ERC2: variants seen among roughly 807,000 people sequenced by gnomAD.
ERC2 encodes the protein ELKS/RAB6-interacting/CAST family member 2.
Under a neutral mutation model 114.8 loss-of-function variants are expected in ERC2, and 42 were observed. That is an observed-to-expected ratio of 0.37 (90% CI 0.29 to 0.47). The LOEUF (loss-of-function observed/expected upper bound fraction) is 0.47, where lower values mean the gene tolerates loss of function less well. Ranked by LOEUF, ERC2 falls within the 20% of genes least tolerant of loss-of-function variation. The pLI, the probability that ERC2 is intolerant of heterozygous loss-of-function variation, is 0.99. For missense variants in ERC2, 939 were observed against 1,150.7 expected (o/e 0.82, Z 2.66); for synonymous variants, 454 against 425.5 (o/e 1.07, Z -0.82).
intron 14 of ERC2, among the ~76,000 whole-genome samples, chr3:55,822,902 C>T (rs573889312): frequency 7.8e-4 from 118 of 152,112 alleles, no homozygotes; most frequent in Middle Eastern, 3.2e-3. Flanking sequence ...CGTGAGCCGC[C>T]GCACCGAGCC....
intron 3 of ERC2, among the ~76,000 whole-genome samples, chr3:56,206,633 G>T (rs1190594520): frequency 6.6e-6 from 1 of 152,138 alleles, no homozygotes; most frequent in East Asian, 1.9e-4. Context: ...TATGTGATTT[G>T]CTGAATACAA....
At chr3:55,733,654 A>G (rs1178641741) in intron 15 of ERC2, among the ~76,000 whole-genome samples, 1 of 152,066 alleles carries the variant, frequency 6.6e-6, no homozygotes. Flanking sequence ...TGCAGGGTCA[A>G]TGTATGCCTT....
intron 14 of ERC2, among the ~76,000 whole-genome samples, chr3:55,739,480 T>C (rs2065850343): frequency 6.6e-6 from 1 of 152,232 alleles, no homozygotes; most frequent in Non-Finnish European, 1.5e-5. Context: ...TACGTCATTG[T>C]GGTTTTGATT....
At chr3:55,710,972 G>T in intron 15 of ERC2, among the ~76,000 whole-genome samples, 1 of 152,180 alleles carries the variant, frequency 6.6e-6, no homozygotes, top group East Asian at 1.9e-4. Context: ...ACCTGGCCCT[G>T]TCCTTGCCCC....
At chr3:55,545,844 C>T (rs1235471741) in intron 17 of ERC2, among the ~76,000 whole-genome samples, 1 of 152,186 alleles carries the variant, frequency 6.6e-6, no homozygotes, top group Non-Finnish European at 1.5e-5. Flanking sequence ...CTGGGCTGGA[C>T]AGCCGGCAGC....
chr3:56,161,110 C>T lies in ERC2; in HGVS notation c.1150-11978G>A, dbSNP rs1266969408. Among the ~76,000 whole-genome samples, 13 of 152,160 alleles carry T rather than the reference C, an allele frequency of 8.5e-5. No individual in the cohort carries two copies. In the South Asian group the frequency reaches 1.9e-3, roughly 22 times the overall value. ...AGTGAATTCTTGCTCAGTTAGCTCA[C>T]ATGAGATCTGGTTGTTGAAAAAGAG... On this transcript the variant is annotated intron_variant, in intron 4 of 17. Coordinates refer to ENST00000288221, the MANE Select transcript of ERC2 (RefSeq NM_015576.3).
At chr3:56,233,722 C>T (rs867020383) in intron 3 of ERC2, among the ~76,000 whole-genome samples, 2 of 152,132 alleles carry the variant, frequency 1.3e-5, no homozygotes, top group African/African-American at 4.8e-5. Flanking sequence ...GGGCTGCATT[C>T]CTTGTGAAGG....
chr3:56,058,292 C>A (rs1246896560), intron 7 of ERC2, among the ~76,000 whole-genome samples: 1 of 152,166 alleles, frequency 6.6e-6, no homozygotes, highest in Non-Finnish European at 1.5e-5. Flanking sequence ...TGGACTTAAT[C>A]CAACGGCTGG....
In ERC2 at chr3:55,797,034, T is replaced by C. The variant is rs143832858; in HGVS notation, c.2565-62116A>G. On this transcript the variant is annotated intron_variant, in intron 14 of 17. Transcript: ENST00000288221. ...TGAAAACATCTAGAATGTAAGACTATTGGAAAATTAAGATGAACAAACTTA... is the reference window on the plus strand; with the variant it reads ...TGAAAACATCTAGAATGTAAGACTACTGGAAAATTAAGATGAACAAACTTA... Among the ~76,000 whole-genome samples, 732 of 152,282 alleles carry C rather than the reference T, an allele frequency of 4.8e-3. 24 individuals are homozygous for C. The highest frequency in any genetic ancestry group is 0.044 in the Admixed American group (666 of 15,296).
At chr3:55,883,858 A>C (rs1576011049) in intron 14 of ERC2, among the ~76,000 whole-genome samples, 4 of 151,966 alleles carry the variant, frequency 2.6e-5, no homozygotes, top group Admixed American at 2.6e-4. Context: ...ACTGCACTCC[A>C]GCCTGGGCAA....
intron 13 of ERC2, among the ~76,000 whole-genome samples, chr3:55,898,293 A>T (rs2063938513): frequency 1.3e-5 from 2 of 152,102 alleles, no homozygotes; most frequent in Non-Finnish European, 2.9e-5. Flanking sequence ...GTGTAGGGGT[A>T]TATCTCGAGC....
intron 7 of ERC2, among the ~76,000 whole-genome samples, chr3:56,073,001 T>C (rs1243548331): frequency 6.6e-6 from 1 of 152,206 alleles, no homozygotes; most frequent in Admixed American, 6.6e-5. Flanking sequence ...TATATAAGTA[T>C]AGATTACTAT....
chr3:55,689,069 C>A (rs550081046), intron 16 of ERC2, among the ~76,000 whole-genome samples: 183 of 152,224 alleles, frequency 1.2e-3, no homozygotes, highest in African/African-American at 4.2e-3. Flanking sequence ...GGGTGTCTCT[C>A]AAGGGAGAGG....
chr3:55,929,978 G>A (rs548512232), intron 13 of ERC2, among the ~76,000 whole-genome samples: 12 of 152,274 alleles, frequency 7.9e-5, no homozygotes, highest in African/African-American at 2.9e-4. Flanking sequence ...CATGGCTCAT[G>A]CCTGTAATCC....
At chr3:55,524,149 A>G (rs2053149883) in intron 17 of ERC2, among the ~76,000 whole-genome samples, 1 of 152,304 alleles carries the variant, frequency 6.6e-6, no homozygotes, top group Middle Eastern at 3.4e-3. Flanking sequence ...CAGGAGTGCA[A>G]TGAGAAGTAG....
At chr3:55,572,681 T>C (rs1007601950) in intron 17 of ERC2, among the ~76,000 whole-genome samples, 2 of 152,160 alleles carry the variant, frequency 1.3e-5, no homozygotes, top group Non-Finnish European at 2.9e-5. Context: ...TAAGGTCACA[T>C]AGTGAAGGGT....
chr3:55,831,902 G>A (rs370141881), intron 14 of ERC2, among the ~76,000 whole-genome samples: 9 of 152,302 alleles, frequency 5.9e-5, no homozygotes, highest in African/African-American at 1.2e-4. Context: ...ACTCCCACCC[G>A]AATACTGTGC....
intron 14 of ERC2, among the ~76,000 whole-genome samples, chr3:55,758,047 A>G (rs909035540): frequency 6.6e-6 from 1 of 152,168 alleles, no homozygotes; most frequent in African/African-American, 2.4e-5. Flanking sequence ...AGAGTGACTG[A>G]AATATTAATG....
intron 8 of ERC2, among the ~76,000 whole-genome samples, chr3:56,014,688 C>G (rs1449376518): frequency 6.6e-6 from 1 of 151,144 alleles, no homozygotes; most frequent in African/African-American, 2.4e-5. Context: ...TTAATAGGGT[C>G]CAGAAAAAAA....
Sources: gnomAD v4.1 joint callset for allele counts (sites outside exome capture counted in the v4.1 genomes callset) on GRCh38, gnomAD v4.1.1 for gene constraint, MANE v1.5 for transcripts, NCBI Gene and HGNC (gene_info 2026-07-23, HGNC 2026-07-21) for gene names.